Variants in ME3 observed in about 807,000 individuals in gnomAD.
ME3 encodes the protein malic enzyme 3, also known as NADP-dependent malic enzyme, mitochondrial.
In ME3, 48 loss-of-function variants were observed where a neutral mutation model predicts 68.9. The observed-to-expected ratio is 0.70, with a 90% confidence interval of 0.55 to 0.89. The LOEUF (loss-of-function observed/expected upper bound fraction) is 0.89, where lower values mean the gene tolerates loss of function less well. Among genes scored for constraint, ME3 ranks in the 40% least tolerant of loss-of-function variants. The pLI, the probability that ME3 is intolerant of heterozygous loss-of-function variation, is 0.00. For synonymous variants in ME3, 320 were observed against 318.8 expected (o/e 1.00, Z -0.04); for missense variants, 675 against 797.4 (o/e 0.85, Z 1.85).
At chr11:86,559,711 C>T (rs1262555970) in exon 3 of ME3, 3 of 1,613,614 alleles carry the variant, frequency 1.9e-6, no homozygotes, top group Non-Finnish European at 2.5e-6. Flanking sequence ...ACTCTGCTGC[C>T]GCTCGTAATA....
At chr11:86,654,195 G>A (rs1945687988) in intron 2 of ME3, among the ~76,000 whole-genome samples, 1 of 152,168 alleles carries the variant, frequency 6.6e-6, no homozygotes, top group African/African-American at 2.4e-5. Flanking sequence ...CATTCCTCCT[G>A]AAACTATTCC....
chr11:86,664,417 C>G (rs1946467205), intron 2 of ME3, among the ~76,000 whole-genome samples: 1 of 152,176 alleles, frequency 6.6e-6, no homozygotes, highest in African/African-American at 2.4e-5. Context: ...TACACAAATG[C>G]TTACTTAACA....
chr11:86,599,427 G>T (rs1305838500), intron 2 of ME3, among the ~76,000 whole-genome samples: 2 of 152,182 alleles, frequency 1.3e-5, no homozygotes, highest in Non-Finnish European at 2.9e-5. Flanking sequence ...AACGAACAAA[G>T]CCTCCAAGAA....
intron 5 of ME3, among the ~76,000 whole-genome samples, chr11:86,504,300 G>A (rs879770885): frequency 1.3e-5 from 2 of 151,316 alleles, no homozygotes; most frequent in African/African-American, 4.9e-5. Flanking sequence ...TCTGGGCTGG[G>A]CACCAACACT....
chr11:86,490,205 C>T (rs919339635), intron 6 of ME3, among the ~76,000 whole-genome samples: 1 of 152,162 alleles, frequency 6.6e-6, no homozygotes, highest in Non-Finnish European at 1.5e-5. Flanking sequence ...CACCCCAAGG[C>T]CTGGGTACAC....
intron 7 of ME3, among the ~76,000 whole-genome samples, chr11:86,477,429 C>T (rs1223352844): frequency 1.3e-5 from 2 of 152,064 alleles, no homozygotes; most frequent in African/African-American, 4.8e-5. Context: ...GTGCTTGTAT[C>T]AGTGTCTGCT....
At chr11:86,551,897 C>T (rs1347738415) in intron 4 of ME3, among the ~76,000 whole-genome samples, 1 of 152,228 alleles carries the variant, frequency 6.6e-6, no homozygotes, top group African/African-American at 2.4e-5. Flanking sequence ...ACCTTTCTAA[C>T]TCATCACAGC....
chr11:86,642,994 G>GTTT (rs72508862), intron 2 of ME3, among the ~76,000 whole-genome samples: 1 of 151,934 alleles, frequency 6.6e-6, no homozygotes, highest in Non-Finnish European at 1.5e-5. Flanking sequence ...GTTTCTATTA[G>GTTT]TTTTTTTTGA....
intron 2 of ME3, among the ~76,000 whole-genome samples, chr11:86,579,303 T>G (rs958894681): frequency 9.2e-5 from 14 of 152,170 alleles, no homozygotes; most frequent in African/African-American, 3.4e-4. Context: ...AGCTCAGGTG[T>G]GCAGGTCCAA....
chr11:86,438,538 C>A (rs7129977), downstream of ME3, among the ~76,000 whole-genome samples: 14,715 of 152,124 alleles, frequency 0.097, 1,094 homozygotes, highest in African/African-American at 0.2. Context: ...AGAGTTTCTG[C>A]ATAATTGGTG....
At position 86,559,289 on chromosome 11, in the gene ME3, G is replaced by A. The variant is rs528894127; in HGVS notation, c.317+401C>T. ...CCCTAATTCCAGGAACCCAAGCCACGTACTACTTCCTTAACAGGCCTGTCT... is the reference window on the plus strand; with the variant it reads ...CCCTAATTCCAGGAACCCAAGCCACATACTACTTCCTTAACAGGCCTGTCT... On this transcript the variant is annotated intron_variant, in intron 3 of 14. Transcript: ENST00000543262. Among the ~76,000 whole-genome samples, 4 of 150,832 alleles carry A rather than the reference G, an allele frequency of 2.7e-5. No individual in the cohort carries two copies. The South Asian group carries it at 6.3e-4, about 24-fold the overall frequency.
chr11:86,598,174 C>G (rs2139706583), intron 2 of ME3, among the ~76,000 whole-genome samples: 1 of 152,286 alleles, frequency 6.6e-6, no homozygotes, highest in South Asian at 2.1e-4. Context: ...TGCAAGGGGT[C>G]AGGGAGTTCC....
chr11:86,639,082 C>T (rs1944514877), intron 2 of ME3, among the ~76,000 whole-genome samples: 1 of 152,306 alleles, frequency 6.6e-6, no homozygotes, highest in Middle Eastern at 3.4e-3. Context: ...ATATTAATGT[C>T]TTCTCTCTCC....
At chr11:86,604,335 A>C (rs765887678) in intron 2 of ME3, among the ~76,000 whole-genome samples, 1 of 152,050 alleles carries the variant, frequency 6.6e-6, no homozygotes, top group South Asian at 2.1e-4. Flanking sequence ...TTTCAGGTTA[A>C]ATTTTAGAAT....
chr11:86,671,802 T>C, exon 2 of ME3: 1 of 1,603,696 alleles, frequency 6.2e-7, no homozygotes, highest in Non-Finnish European at 8.5e-7. Context: ...GTATCCGCGC[T>C]TCTTCAGGGG....
intron 2 of ME3, among the ~76,000 whole-genome samples, chr11:86,578,583 A>G (rs543779380): frequency 2.8e-4 from 42 of 152,276 alleles, no homozygotes; most frequent in African/African-American, 9.9e-4. Context: ...CAGCCCTAAT[A>G]TGAACCAAAT....
intron 7 of ME3, among the ~76,000 whole-genome samples, chr11:86,477,313 G>A (rs938530102): frequency 6.6e-6 from 1 of 151,852 alleles, no homozygotes; most frequent in African/African-American, 2.4e-5. Context: ...CTTAGATGAG[G>A]TACTTGTACT....
chr11:86,616,719 G>A lies in ME3; in HGVS notation c.183+55043C>T, dbSNP rs112661649. ...TACCTAGCCAGTGCCCTTTAGGACT[G>A]TCAAGGTCATGAAAAATAAGGAAAG... On this transcript the variant is annotated intron_variant, in intron 2 of 14. Coordinates refer to ENST00000543262, the Ensembl canonical transcript of ME3. 2.4e-3 allele frequency among the ~76,000 whole-genome samples: 373 copies of A among 152,300 alleles called. 2 individuals are homozygous for A. Among genetic ancestry groups the A allele is most frequent in the Middle Eastern group, 0.01 (3 of 294 alleles).
chr11:86,446,164 C>T, intron 13 of ME3, 150 bp downstream of exon 13: 1 of 825,386 alleles, frequency 1.2e-6, no homozygotes, highest in Non-Finnish European at 1.9e-6. Flanking sequence ...TCAAGGTGGC[C>T]ATGAGAGATG....
Sources: allele counts gnomAD v4.1 joint callset (sites outside exome capture counted in the v4.1 genomes callset), GRCh38; gene constraint gnomAD v4.1.1; transcripts MANE v1.5; gene names NCBI Gene and HGNC (gene_info 2026-07-23, HGNC 2026-07-21).